Variants in H2BC12 observed in about 807,000 individuals in gnomAD.
H2BC12 encodes the protein H2B clustered histone 12.
A neutral mutation model predicts 6.3 loss-of-function variants in H2BC12; 6 were observed. That is an observed-to-expected ratio of 0.95 (90% CI 0.52 to 1.87). The LOEUF (loss-of-function observed/expected upper bound fraction) is 1.87. H2BC12 is among the 40% of genes most tolerant of loss of function. The probability of loss-of-function intolerance (pLI) is 0.01; values close to 1 mark genes in which losing one functional copy is unlikely to be tolerated. For missense variants in H2BC12, 119 were observed against 178.4 expected (o/e 0.67, Z 1.90); for synonymous variants, 132 against 78.5 (o/e 1.68, Z -3.60).
Position 27,146,673 on chromosome 6 carries a change from C to G in H2BC12, c.126G>C (p.Val42=), listed in dbSNP as rs566842066. The G allele has an allele frequency of 2.2e-5, 35 of 1,614,144 alleles. No homozygotes were observed. In the Admixed American group the frequency reaches 4.2e-4, roughly 19 times the overall value. Residue 42 remains valine (V), a synonymous_variant, in exon 1 of 1, where the codon GTG becomes GTC. Transcript: ENST00000356950. ...RSRKESYSVY[V]YKVLKQVHPD... is the part of the protein sequence containing the mutation. ...GGTGGACCTGCTTCAGCACCTTGTACACGTATACGGAGTAGCTCTCCTTGC... is the reference window on the plus strand; with the variant it reads ...GGTGGACCTGCTTCAGCACCTTGTAGACGTATACGGAGTAGCTCTCCTTGC...
chr6:27,140,232 T>G, the H2BC12 span, among the ~76,000 whole-genome samples: 1 of 152,222 alleles, frequency 6.6e-6, no homozygotes, highest in Admixed American at 6.5e-5. Context: ...ACACCACTTA[T>G]TCAAGTGCAT....
the H2BC12 span, among the ~76,000 whole-genome samples, chr6:27,140,501 T>A: frequency 1.3e-5 from 2 of 152,020 alleles, no homozygotes; most frequent in Non-Finnish European, 2.9e-5. Flanking sequence ...GTAAATACTT[T>A]ATTCATTTCT....
chr6:27,142,270 CT>C (rs1227253687), downstream of H2BC12, among the ~76,000 whole-genome samples: 1 of 151,960 alleles, frequency 6.6e-6, no homozygotes, highest in Non-Finnish European at 1.5e-5. Context: ...TTAAAATTAA[CT>C]TTTTTAACTT....
rs146052625 is a variant in H2BC12 at position 27,146,799 on chromosome 6, G to A, written c.-1C>T. 7 of 1,613,728 alleles carry A rather than the reference G, an allele frequency of 4.3e-6. No individual in the cohort carries two copies. Among genetic ancestry groups the A allele is most frequent in the Admixed American group, 1.7e-5 (1 of 59,948 alleles). Reference sequence around the variant, plus strand: ...GAGCGGACTTCGCTGGTTCCGGCATGTTGAAGGCGAACTACGAGCCTGAGA... The same window carrying A: ...GAGCGGACTTCGCTGGTTCCGGCATATTGAAGGCGAACTACGAGCCTGAGA... On this transcript the variant is annotated 5_prime_UTR_variant, in exon 1 of 1. Transcript: ENST00000356950.
the H2BC12 span, chr6:27,139,398 C>G: frequency 1.2e-6 from 2 of 1,614,234 alleles, no homozygotes; most frequent in Non-Finnish European, 1.7e-6. Context: ...TCCAGGGTAT[C>G]ACCAAGCCAG....
At position 27,146,429 on chromosome 6, in the gene H2BC12, T is replaced by A. The variant is rs567344687; in HGVS notation, c.370A>T (p.Ser124Cys). 1 of 1,614,250 alleles carries A rather than the reference T, an allele frequency of 6.2e-7. No individual in the cohort carries two copies. The highest frequency in any genetic ancestry group is 1.1e-5 in the South Asian group (1 of 91,086). Residue 124 changes from serine to cysteine, a missense_variant, in exon 1 of 1, where the codon AGC becomes TGC. Around this residue, in one of 2 missense-constraint regions of H2BC12, gnomAD observed 69 missense variants for 141.0 expected, o/e 0.49. Coordinates refer to ENST00000356950, the MANE Select transcript of H2BC12 (RefSeq NM_001312653.2). ...EGTKAVTKYTSAK is the reference protein window; with the variant it reads ...EGTKAVTKYTCAK The stretch of plus-strand genomic sequence containing the variant: ...CTTACTTGGCAAGTTTACTTAGCGC[T>A]GGTGTACTTGGTGACGGCCTTGGTG...
downstream of H2BC12, among the ~76,000 whole-genome samples, chr6:27,143,846 T>TAAAAAAAAAAA (rs34292040): frequency 9.6e-4 from 109 of 113,568 alleles, no homozygotes; most frequent in Middle Eastern, 5.1e-3. Flanking sequence ...AACTACTCTT[T>TAAAAAAAAAAA]AAAAAAAAAA....
At chr6:27,145,338 A>ACACACACACACACAC (rs60765842), downstream of H2BC12, among the ~76,000 whole-genome samples, 1 of 148,530 alleles carries the variant, frequency 6.7e-6, no homozygotes, top group African/African-American at 2.5e-5. Context: ...ACACACACAC[A>ACACACACACACACAC]AAATTCCCCT....
the H2BC12 span, among the ~76,000 whole-genome samples, chr6:27,141,196 A>G: frequency 3.9e-5 from 6 of 152,200 alleles, no homozygotes. Flanking sequence ...TACTTTCTAA[A>G]TAAGCAATGA....
chr6:27,146,329 AAC>A (rs745362294), downstream of H2BC12: 1 of 1,582,290 alleles, frequency 6.3e-7, no homozygotes, highest in Non-Finnish European at 8.6e-7. Flanking sequence ...CTGGATTAGG[AAC>A]ACGTGTTTAC....
the H2BC12 span, chr6:27,139,816 T>C: frequency 1.2e-5 from 11 of 907,412 alleles, no homozygotes; most frequent in Non-Finnish European, 1.6e-5. Context: ...GGCCGAGATT[T>C]TTCCAAGGCC....
downstream of H2BC12, chr6:27,146,273 G>T (rs9393790): frequency 0.32 from 434,273 of 1,352,994 alleles, 72,643 homozygotes; most frequent in African/African-American, 0.5. Context: ...TACTCAGTGT[G>T]ATAAGATCAT....
Position 27,146,737 on chromosome 6 carries a change from T to C in H2BC12, c.62A>G (p.Lys21Arg), listed in dbSNP as rs1760095207. 4 of 1,614,140 alleles carry C rather than the reference T, an allele frequency of 2.5e-6. No homozygotes were observed. The highest frequency in any genetic ancestry group is 3.4e-6 in the Non-Finnish European group (4 of 1,180,052). Residue 21 changes from lysine to arginine, a missense_variant, in exon 1 of 1, where the codon AAG becomes AGG. Transcript: ENST00000356950. The stretch of plus-strand genomic sequence containing the variant: ...CTTCTTGCCGTCCTTCTTCTGCGCC[T>C]TAGTCACGGCTTTCTTCGAGCCCTT... ...PKKGSKKAVT[K>R]AQKKDGKKRK...
At chr6:27,144,354 C>T (rs1472951207), downstream of H2BC12, among the ~76,000 whole-genome samples, 3 of 147,600 alleles carry the variant, frequency 2.0e-5, no homozygotes, top group Admixed American at 7.0e-5. Context: ...ACCAGTCATT[C>T]GGGAAACTGA....
downstream of H2BC12, among the ~76,000 whole-genome samples, chr6:27,145,357 G>A (rs577592029): frequency 6.7e-6 from 1 of 148,612 alleles, no homozygotes; most frequent in African/African-American, 2.5e-5. Flanking sequence ...CTGTGAAACT[G>A]GCCTACATTT....
the H2BC12 span, among the ~76,000 whole-genome samples, chr6:27,141,001 A>C: frequency 2.0e-5 from 3 of 151,450 alleles, no homozygotes; most frequent in South Asian, 6.2e-4. Context: ...TTCATAAAGG[A>C]GTTATCTGAC....
downstream of H2BC12, among the ~76,000 whole-genome samples, chr6:27,145,487 A>G (rs2113651025): frequency 6.6e-6 from 1 of 152,238 alleles, no homozygotes; most frequent in Non-Finnish European, 1.5e-5. Flanking sequence ...TCTAGCCTCT[A>G]ATCACACAAT....
downstream of H2BC12, among the ~76,000 whole-genome samples, chr6:27,142,148 C>A (rs1019468778): frequency 2.0e-5 from 3 of 151,936 alleles, no homozygotes; most frequent in Non-Finnish European, 4.4e-5. Flanking sequence ...AAAATACACA[C>A]CAGATTTTGA....
At chr6:27,143,766 G>A (rs997577887), downstream of H2BC12, among the ~76,000 whole-genome samples, 1 of 150,008 alleles carries the variant, frequency 6.7e-6, no homozygotes, top group Non-Finnish European at 1.5e-5. Flanking sequence ...GCGTTCTTCA[G>A]CAGGCTGTAA....
Sources: allele counts gnomAD v4.1 joint callset (sites outside exome capture counted in the v4.1 genomes callset), GRCh38; gene constraint gnomAD v4.1.1; regional missense constraint gnomAD v4.1.1; transcripts MANE v1.5; gene names NCBI Gene and HGNC (gene_info 2026-07-23, HGNC 2026-07-21).